TPRA1: variants seen among roughly 807,000 people sequenced by gnomAD.
The protein encoded by TPRA1 is transmembrane protein adipocyte associated 1, also known as transmembrane protein adipocyte-associated 1.
Under a neutral mutation model 40.1 loss-of-function variants are expected in TPRA1, and 28 were observed. The ratio of observed to expected loss-of-function variants is 0.70; its 90% CI spans 0.52 to 0.96. The LOEUF (loss-of-function observed/expected upper bound fraction) is 0.96. Ranked by LOEUF, TPRA1 falls within the 40% of genes least tolerant of loss-of-function variation. TPRA1 has a pLI of 0.00. For missense variants in TPRA1, 441 were observed against 482.6 expected (o/e 0.91, Z 0.81); for synonymous variants, 219 against 209.7 (o/e 1.04, Z -0.38).
chr3:127,575,648 C>T (rs1311020111), intron 8 of TPRA1, 101 bp downstream of exon 8: 2 of 1,534,066 alleles, frequency 1.3e-6, no homozygotes, highest in Non-Finnish European at 9.0e-7. Context: ...AGCTCCCAGC[C>T]TGGAACTCTA....
chr3:127,590,711 A>G lies in TPRA1; in HGVS notation c.-319T>C, dbSNP rs1230853103. ...AGACCGTCTTTTTCGTCCAGCCCAAATTGCGAAAACGGCCACAGTCCCACA... is the reference window on the plus strand; with the variant it reads ...AGACCGTCTTTTTCGTCCAGCCCAAGTTGCGAAAACGGCCACAGTCCCACA... On this transcript the variant is annotated 5_prime_UTR_variant, in exon 1 of 11. Coordinates refer to ENST00000355552, the MANE Select transcript of TPRA1 (RefSeq NM_001136053.4). 2 of 152,320 alleles carry G rather than the reference A, an allele frequency of 1.3e-5. No homozygotes were observed. The highest frequency in any genetic ancestry group is 2.9e-5 in the Non-Finnish European group (2 of 68,160). The allele number at this position is 152,320 out of a possible 1,614,324, so 9.4% of individuals were successfully genotyped here.
chr3:127,576,229 A>G lies in TPRA1; in HGVS notation c.499-179T>C, dbSNP rs561194367. On this transcript the variant is annotated intron_variant, in intron 6 of 10. Coordinates refer to ENST00000355552, the MANE Select transcript of TPRA1 (RefSeq NM_001136053.4). This position sits in a 1 kb window ranked among gnomAD's most constrained non-coding sequence, Gnocchi z 4.6. ...GGCCATGTCCTGCCCAACTGATTGC[A>G]GCATCCAGAGCCGGCCCAGTCTTGG... Among the ~76,000 whole-genome samples, 1 of 152,268 alleles carries G rather than the reference A, an allele frequency of 6.6e-6. No individual in the cohort carries two copies. Among genetic ancestry groups the G allele is most frequent in the African/African-American group, 2.4e-5 (1 of 41,556 alleles).
intron 8 of TPRA1, 25 bp downstream of exon 8, chr3:127,575,724 C>G: frequency 6.2e-7 from 1 of 1,612,678 alleles, no homozygotes; most frequent in Non-Finnish European, 8.5e-7. Flanking sequence ...CCCGCCTGTC[C>G]CAGAGCCGCC....
chr3:127,578,375 C>T (rs1041632767), intron 3 of TPRA1, among the ~76,000 whole-genome samples: 14 of 152,172 alleles, frequency 9.2e-5, no homozygotes, highest in Admixed American at 3.9e-4. Flanking sequence ...AGCCACTGGC[C>T]CCAGGTCACA....
chr3:127,576,671 G>A lies in TPRA1; in HGVS notation c.444C>T (p.Ile148=). Residue 148 remains isoleucine (I), a synonymous_variant, in exon 6 of 11, where the codon ATC becomes ATT. Transcript: ENST00000355552. This position sits in a 1 kb window ranked among gnomAD's most constrained non-coding sequence, Gnocchi z 4.6. ...AFGHLESKSS[I]KRVLAITTVL... ...CTGTGGTGATGGCCAGCACCCGCTT[G>A]ATGCTGGACTTACTCTCCAGGTGGC... 6.2e-7 allele frequency: 1 copy of A among 1,611,106 alleles called. No individual in the cohort carries two copies. The highest frequency in any genetic ancestry group is 8.5e-7 in the Non-Finnish European group (1 of 1,178,742).
At chr3:127,574,795 A>G (rs913164972) in intron 10 of TPRA1, among the ~76,000 whole-genome samples, 2 of 152,230 alleles carry the variant, frequency 1.3e-5, no homozygotes, top group African/African-American at 4.8e-5. Context: ...ATGTATGTAT[A>G]TGTGGATATG....
chr3:127,597,255 C>T (rs1294535624), intron 1 of TPRA1, among the ~76,000 whole-genome samples: 1 of 152,222 alleles, frequency 6.6e-6, no homozygotes, highest in African/African-American at 2.4e-5. Context: ...CGATTCAGCC[C>T]TGCCTCTGCT....
Position 127,573,727 on chromosome 3 carries a change from C to T in TPRA1, c.916G>A (p.Val306Ile). Residue 306 changes from valine (V) to isoleucine (I), a missense_variant, in exon 11 of 11, where the codon GTA (valine) becomes ATA (isoleucine). Val to Ile is a conservative substitution (Grantham distance 29). Transcript: ENST00000355552. Reference sequence around the variant, plus strand: ...ACAGCGTAGGGCTGGGGTAGGTGTACATCTGGCTCCTCTGTCTCGTCCACT... The same window carrying T: ...ACAGCGTAGGGCTGGGGTAGGTGTATATCTGGCTCCTCTGTCTCGTCCACT... ...CQVDETEEPD[V>I]HLPQPYAVAR... The T allele has an allele frequency of 6.2e-7, 1 of 1,606,392 alleles. No homozygotes were observed. Among genetic ancestry groups the T allele is most frequent in the South Asian group, 1.1e-5 (1 of 90,784 alleles).
intron 1 of TPRA1, 157 bp from the exon 2 acceptor site, chr3:127,580,320 C>T: frequency 1.3e-6 from 1 of 787,402 alleles, no homozygotes. Context: ...GGGCTCCACA[C>T]AGGTCACGAC....
intron 1 of TPRA1, among the ~76,000 whole-genome samples, chr3:127,596,770 C>T (rs2074246117): frequency 6.6e-6 from 1 of 152,182 alleles, no homozygotes; most frequent in Non-Finnish European, 1.5e-5. Context: ...AGCCAGGATC[C>T]TGGTGTCATC....
At chr3:127,595,362 C>G (rs1216343072), upstream of TPRA1, 2 of 152,326 alleles carry the variant, frequency 1.3e-5, no homozygotes, top group Non-Finnish European at 2.9e-5. Context: ...GGGAATGCCT[C>G]TCTGACCCAT....
chr3:127,587,881 G>C lies in TPRA1; in HGVS notation c.-18+2529C>G, dbSNP rs7643152. Reference sequence around the variant, plus strand: ...GTTCCCAGGTCCATGGACCTCTTGTGAAGCCCCCATTGCTGTGGGGTCTGA... The same window carrying C: ...GTTCCCAGGTCCATGGACCTCTTGTCAAGCCCCCATTGCTGTGGGGTCTGA... On this transcript the variant is annotated intron_variant, in intron 1 of 10. Transcript: ENST00000355552. 2.2e-3 allele frequency among the ~76,000 whole-genome samples: 339 copies of C among 152,194 alleles called. 3 individuals are homozygous for C. Among genetic ancestry groups the C allele is most frequent in the African/African-American group, 7.7e-3 (321 of 41,524 alleles).
rs1367489432 is a variant in TPRA1 at position 127,575,278 on chromosome 3, C to T, written c.774-13G>A. ...GGCATCTACACAGCTGCGGAGAAGGCGGGTCAGCGCGGGGCCTCCTAGCCC... is the reference window on the plus strand; with the variant it reads ...GGCATCTACACAGCTGCGGAGAAGGTGGGTCAGCGCGGGGCCTCCTAGCCC... On this transcript the variant is annotated splice_polypyrimidine_tract_variant and intron_variant, in intron 9 of 10. Coordinates refer to ENST00000355552, the MANE Select transcript of TPRA1 (RefSeq NM_001136053.4). The T allele has an allele frequency of 1.2e-6, 2 of 1,611,662 alleles. No individual in the cohort carries two copies. The highest frequency in any genetic ancestry group is 1.7e-5 in the Admixed American group (1 of 59,690).
At chr3:127,580,393 T>G (rs1458833493) in intron 1 of TPRA1, 2 of 501,228 alleles carry the variant, frequency 4.0e-6, no homozygotes, top group South Asian at 5.1e-5. Flanking sequence ...CTGCAAATAG[T>G]CTAACAAAGC....
rs771944762 is a variant in TPRA1, at chr3:127,579,862, A to G, written c.136T>C (p.Trp46Arg). 3.7e-6 allele frequency: 6 copies of G among 1,613,692 alleles called. No homozygotes were observed. In the Admixed American group the frequency reaches 6.7e-5, roughly 18 times the overall value. Reference protein sequence around the residue: ...EDIGTSRVRYWDLLLLIPNVL... With the variant: ...EDIGTSRVRYRDLLLLIPNVL... ...TTGGGGATGAGCAGCAAGAGGTCCC[A>G]GTACCGGACCCTGGCGGATGGGCAC... The change falls in exon 3 of 11, where the codon TGG becomes CGG. Residue 46 changes from tryptophan (W) to arginine (R), a missense_variant. Trp to Arg is a moderately radical substitution (Grantham distance 101, BLOSUM62 -3). Coordinates refer to ENST00000355552, the MANE Select transcript of TPRA1 (RefSeq NM_001136053.4).
chr3:127,574,900 G>A (rs574189088), intron 10 of TPRA1: 20 of 489,026 alleles, frequency 4.1e-5, no homozygotes, highest in South Asian at 1.5e-4. Flanking sequence ...GCATATGCCC[G>A]TGTGTATCCG....
At position 127,576,541 on chromosome 3, in the gene TPRA1, C is replaced by T; in HGVS notation, c.498+76G>A. On this transcript the variant is annotated intron_variant, in intron 6 of 10. Transcript: ENST00000355552. This position sits in a 1 kb window ranked among gnomAD's most constrained non-coding sequence, Gnocchi z 4.6. ...CTCTGAAGGTGATAAAGACTGGAAA[C>T]CTGACCCAGACCCAGAAGCAGTGGG... 7.1e-7 allele frequency: 1 copy of T among 1,417,320 alleles called. No individual in the cohort carries two copies. Among genetic ancestry groups the T allele is most frequent in the Non-Finnish European group, 9.6e-7 (1 of 1,045,118 alleles). The allele number at this position is 1,417,320 out of a possible 1,614,324, so 87.8% of individuals were successfully genotyped here.
exon 1 of TPRA1, chr3:127,598,195 C>T (rs745745658): frequency 1.8e-6 from 1 of 554,676 alleles, no homozygotes; most frequent in Non-Finnish European, 3.2e-6. Context: ...TCAGCTTCTA[C>T]CTCCGCTCCA....
chr3:127,587,006 C>G (rs1391241540), intron 1 of TPRA1: 33 of 152,234 alleles, frequency 2.2e-4, no homozygotes, highest in Admixed American at 2.2e-3. Context: ...ACTCTAGACT[C>G]TCTGGAAGTT....
Sources: gnomAD v4.1 joint callset for allele counts (sites outside exome capture counted in the v4.1 genomes callset) on GRCh38, gnomAD v4.1.1 for gene constraint, Gnocchi (gnomAD v3.1) non-coding constraint, MANE v1.5 for transcripts, NCBI Gene and HGNC (gene_info 2026-07-23, HGNC 2026-07-21) for gene names.